The following SAMD12 variants were observed in gnomAD, a reference collection of about 807,000 sequenced individuals.
SAMD12 encodes the protein sterile alpha motif domain containing 12.
SAMD12 carries 9 observed loss-of-function variants against 15.0 expected under a neutral mutation model. The observed-to-expected ratio is 0.60, with a 90% confidence interval of 0.36 to 1.05. The LOEUF is 1.05. Among genes scored for constraint, SAMD12 ranks in the 50% least tolerant of loss-of-function variants. The probability of loss-of-function intolerance (pLI) is 0.01; values close to 1 mark genes in which losing one functional copy is unlikely to be tolerated. For synonymous variants in SAMD12, 86 were observed against 90.1 expected (o/e 0.96, Z 0.25); for missense variants, 230 against 234.2 (o/e 0.98, Z 0.12).
chr8:118,514,149 A>G (rs984637805), intron 2 of SAMD12, among the ~76,000 whole-genome samples: 1 of 151,732 alleles, frequency 6.6e-6, no homozygotes, highest in Admixed American at 6.5e-5. Flanking sequence ...AACCCTCCCC[A>G]TCACAAGGCA....
chr8:118,515,758 T>C (rs1326155161), intron 2 of SAMD12, among the ~76,000 whole-genome samples: 1 of 152,190 alleles, frequency 6.6e-6, no homozygotes, highest in African/African-American at 2.4e-5. Context: ...CCCTTTTTAC[T>C]CACTCTTGCG....
intron 3 of SAMD12, among the ~76,000 whole-genome samples, chr8:118,413,522 T>C (rs190026400): frequency 1.4e-4 from 21 of 152,324 alleles, no homozygotes; most frequent in Admixed American, 1.1e-3. Flanking sequence ...CCTAGAGCAC[T>C]GCATCCACAA....
intron 2 of SAMD12, among the ~76,000 whole-genome samples, chr8:118,558,659 C>T (rs1442340629): frequency 1.3e-5 from 2 of 152,068 alleles, no homozygotes; most frequent in Admixed American, 6.5e-5. Context: ...CCCAGGTTCA[C>T]GCCATTCTCC....
At position 118,559,792 on chromosome 8, in the gene SAMD12, T is replaced by A. The variant is rs185417273; in HGVS notation, c.192+20923A>T. Among the ~76,000 whole-genome samples the A allele has an allele frequency of 1.3e-4, 20 of 152,318 alleles. No homozygotes were observed. The East Asian group carries it at 3.9e-3, about 29-fold the overall frequency. On this transcript the variant is annotated intron_variant, in intron 2 of 3. Coordinates refer to ENST00000314727, the MANE Select transcript of SAMD12 (RefSeq NM_207506.3). ...TTATACAAAATTATGCATTTTAAAA[T>A]TAAAATATATTCCTGTATAGAAATC... is the stretch of plus-strand genomic sequence containing the variant.
At chr8:118,248,632 T>TG (rs1410844719) in intron 4 of SAMD12, among the ~76,000 whole-genome samples, 2 of 64,064 alleles carry the variant, frequency 3.1e-5, no homozygotes, top group Non-Finnish European at 5.3e-5. Context: ...AATAGATGAC[T>TG]TTTTTTTTTA....
intron 4 of SAMD12, among the ~76,000 whole-genome samples, chr8:118,324,873 G>T (rs1816489036): frequency 6.6e-6 from 1 of 152,182 alleles, no homozygotes; most frequent in Non-Finnish European, 1.5e-5. Context: ...CTTCATCAGA[G>T]TAGTGATCAT....
At chr8:118,505,343 CT>C (rs56822477) in intron 2 of SAMD12, among the ~76,000 whole-genome samples, 57,688 of 133,174 alleles carry the variant, frequency 0.43, 11,631 homozygotes, top group Admixed American at 0.48. Context: ...GGGCAGAGCT[CT>C]TTTTTTTTTT....
intron 4 of SAMD12, among the ~76,000 whole-genome samples, chr8:118,345,247 T>C (rs951400348): frequency 4.6e-5 from 7 of 152,214 alleles, no homozygotes; most frequent in African/African-American, 1.2e-4. Flanking sequence ...TTGCAGCCTA[T>C]AGCAATAGAT....
chr8:118,152,363 T>C, the SAMD12 span, among the ~76,000 whole-genome samples: 6 of 152,162 alleles, frequency 3.9e-5, no homozygotes, highest in African/African-American at 1.4e-4. Context: ...ATAGCCAGAA[T>C]TTTGTTTGGT....
At chr8:118,389,856 T>C (rs1435453976) in intron 3 of SAMD12, among the ~76,000 whole-genome samples, 1 of 152,152 alleles carries the variant, frequency 6.6e-6, no homozygotes, top group Admixed American at 6.5e-5. Context: ...TAGATACAAG[T>C]GAAAATCCAG....
intron 4 of SAMD12, among the ~76,000 whole-genome samples, chr8:118,215,370 A>G (rs1485736806): frequency 6.6e-6 from 1 of 152,248 alleles, no homozygotes; most frequent in East Asian, 1.9e-4. Context: ...CAACCCCTAT[A>G]AAATAAATGT....
chr8:118,533,034 G>T (rs1825733623), intron 2 of SAMD12, among the ~76,000 whole-genome samples: 1 of 151,964 alleles, frequency 6.6e-6, no homozygotes, highest in South Asian at 2.1e-4. Flanking sequence ...TGATGTTAGG[G>T]TGTCAATTTT....
intron 3 of SAMD12, among the ~76,000 whole-genome samples, chr8:118,433,164 C>T (rs1356671077): frequency 6.6e-6 from 1 of 152,200 alleles, no homozygotes; most frequent in Non-Finnish European, 1.5e-5. Flanking sequence ...ACTCATTCAG[C>T]CCAGTCCCAT....
At chr8:118,215,465 CTTT>C (rs900815536) in intron 4 of SAMD12, among the ~76,000 whole-genome samples, 1 of 95,784 alleles carries the variant, frequency 1.0e-5, no homozygotes, top group Admixed American at 9.2e-5. Context: ...TCATTGAGTG[CTTT>C]TTTTTTTTAT....
At chr8:118,297,472 G>C (rs1814774306) in intron 4 of SAMD12, among the ~76,000 whole-genome samples, 1 of 152,152 alleles carries the variant, frequency 6.6e-6, no homozygotes, top group Admixed American at 6.5e-5. Context: ...TTTCACAGGA[G>C]CAGCATACAT....
chr8:118,344,548 G>C (rs1338114928), intron 4 of SAMD12, among the ~76,000 whole-genome samples: 1 of 152,158 alleles, frequency 6.6e-6, no homozygotes, highest in Non-Finnish European at 1.5e-5. Context: ...TTGTTCCTGA[G>C]CTCTTAACCA....
At chr8:118,491,767 T>C (rs1370607814) in intron 2 of SAMD12, among the ~76,000 whole-genome samples, 1 of 152,202 alleles carries the variant, frequency 6.6e-6, no homozygotes, top group Non-Finnish European at 1.5e-5. Flanking sequence ...CATATTGTTG[T>C]ATATATAACT....
At chr8:118,200,234 C>A (rs986996625) in intron 4 of SAMD12, among the ~76,000 whole-genome samples, 1 of 151,804 alleles carries the variant, frequency 6.6e-6, no homozygotes, top group Non-Finnish European at 1.5e-5. Context: ...AACAGCAGAA[C>A]GACAACAAAC....
At chr8:118,414,266 C>G (rs73311757) in intron 3 of SAMD12, among the ~76,000 whole-genome samples, 4,348 of 152,240 alleles carry the variant, frequency 0.029, 205 homozygotes, top group African/African-American at 0.097. Context: ...TTTCCAAGAA[C>G]CATAACAAGT....
Sources: allele counts gnomAD v4.1 joint callset (sites outside exome capture counted in the v4.1 genomes callset), GRCh38; gene constraint gnomAD v4.1.1; transcripts MANE v1.5; gene names NCBI Gene and HGNC (gene_info 2026-07-23, HGNC 2026-07-21).